Variants in MYO16 observed in about 807,000 individuals in gnomAD.
MYO16 encodes myosin XVI.
MYO16 carries 94 observed loss-of-function variants against 205.3 expected under a neutral mutation model. That is an observed-to-expected ratio of 0.46 (90% CI 0.39 to 0.54). MYO16 has a LOEUF of 0.54. Ranked by LOEUF, MYO16 falls within the 20% of genes least tolerant of loss-of-function variation. The probability of loss-of-function intolerance (pLI) is 0.00; values close to 1 mark genes in which losing one functional copy is unlikely to be tolerated. For missense variants in MYO16, 2,315 were observed against 2,387.5 expected, an observed-to-expected ratio of 0.97 and a Z score of 0.63; for synonymous variants, 988 against 954.0, an observed-to-expected ratio of 1.04 and a Z score of -0.66.
At chr13:108,740,556 C>T (rs982094120) in intron 4 of MYO16, among the ~76,000 whole-genome samples, 3 of 152,158 alleles carry the variant, frequency 2.0e-5, no homozygotes. Context: ...CTGAGGGGTT[C>T]CTCCCAGTTA....
At position 109,076,785 on chromosome 13, in the gene MYO16, G is replaced by A. The variant is rs982752658; in HGVS notation, c.3335+21190G>A. Among the ~76,000 whole-genome samples, 86 of 152,084 alleles carry A rather than the reference G, an allele frequency of 5.7e-4. 2 individuals are homozygous for A. Among genetic ancestry groups the A allele is most frequent in the Non-Finnish European group, 2.1e-4 (14 of 68,018 alleles). On this transcript the variant is annotated intron_variant, in intron 27 of 34. Coordinates refer to ENST00000457511, the MANE Select transcript of MYO16 (RefSeq NM_001198950.3). ...TACATGCAGTCTGGATGAGTGCACA[G>A]CAGAGATGGAAAATGAAGCCCAGAT...
At chr13:109,051,364 C>G (rs1379293125) in intron 24 of MYO16, among the ~76,000 whole-genome samples, 1 of 152,162 alleles carries the variant, frequency 6.6e-6, no homozygotes, top group African/African-American at 2.4e-5. Flanking sequence ...AGAAACTAAA[C>G]ACTTTGCCAC....
chr13:108,644,121 C>T (rs556542216), intron 1 of MYO16, among the ~76,000 whole-genome samples: 13 of 152,230 alleles, frequency 8.5e-5, no homozygotes, highest in African/African-American at 2.6e-4. Context: ...TCTTGAGTTT[C>T]GGATCCTCAG....
At chr13:109,147,889 C>G (rs1232797774) in intron 32 of MYO16, among the ~76,000 whole-genome samples, 3 of 152,030 alleles carry the variant, frequency 2.0e-5, no homozygotes, top group Non-Finnish European at 4.4e-5. Flanking sequence ...AGATTAACAC[C>G]CCCAGAGAAG....
Position 108,785,103 on chromosome 13 carries a change from G to C in MYO16, c.508-532G>C, listed in dbSNP as rs139582430. Among the ~76,000 whole-genome samples, 318 of 152,264 alleles carry C rather than the reference G, an allele frequency of 2.1e-3. 2 individuals carry two copies. Among genetic ancestry groups the C allele is most frequent in the African/African-American group, 7.4e-3 (309 of 41,558 alleles). ...TGTTAGAAGATAGTTGCTGGAAAGA[G>C]AAAAATCAGCCTGTAGTCATTAACA... On this transcript the variant is annotated intron_variant, in intron 4 of 34. Coordinates refer to ENST00000457511, the MANE Select transcript of MYO16 (RefSeq NM_001198950.3).
chr13:108,923,460 C>T (rs9587722), intron 16 of MYO16, among the ~76,000 whole-genome samples: 20,501 of 152,232 alleles, frequency 0.13, 2,423 homozygotes, highest in African/African-American at 0.31. Context: ...TGGAGGGATC[C>T]GTCCAGGCAG....
chr13:108,596,993 A>G (rs1313896397), intron 1 of MYO16, among the ~76,000 whole-genome samples: 28 of 152,328 alleles, frequency 1.8e-4, no homozygotes, highest in Non-Finnish European at 4.4e-5. Flanking sequence ...GATGGATCCT[A>G]AGTACGCTGA....
intron 12 of MYO16, among the ~76,000 whole-genome samples, chr13:108,877,049 T>G (rs1879363770): frequency 6.6e-6 from 1 of 152,220 alleles, no homozygotes; most frequent in Non-Finnish European, 1.5e-5. Flanking sequence ...TGAGACCTAA[T>G]TTATTCTAAA....
At chr13:108,737,003 G>A (rs937054973) in intron 4 of MYO16, among the ~76,000 whole-genome samples, 2 of 152,172 alleles carry the variant, frequency 1.3e-5, no homozygotes, top group African/African-American at 4.8e-5. Flanking sequence ...CTGAGATTTT[G>A]CTGAAGTTGC....
the MYO16 span, among the ~76,000 whole-genome samples, chr13:108,566,073 C>G: frequency 1.3e-5 from 2 of 151,862 alleles, no homozygotes; most frequent in Non-Finnish European, 2.9e-5. Context: ...ATTCCCTCCT[C>G]TATCTTTTGA....
intron 10 of MYO16, among the ~76,000 whole-genome samples, chr13:108,849,175 G>GTT (rs11309064): frequency 6.6e-6 from 1 of 151,840 alleles, no homozygotes; most frequent in African/African-American, 2.4e-5. Context: ...GTTTTTTTCT[G>GTT]TTTTTTTGTT....
the MYO16 span, among the ~76,000 whole-genome samples, chr13:108,575,027 C>T: frequency 1.3e-5 from 2 of 152,122 alleles, no homozygotes; most frequent in Non-Finnish European, 2.9e-5. Context: ...TCACACACTC[C>T]AGTGTGACTA....
In MYO16 at chr13:109,207,005, TTTGTGTG is replaced by T; in HGVS notation, c.*171_*177del. 6.3e-6 allele frequency: 2 copies of T among 317,084 alleles called. No individual in the cohort carries two copies. Among genetic ancestry groups the T allele is most frequent in the Non-Finnish European group, 1.2e-5 (2 of 170,562 alleles). 19.6% of individuals were successfully genotyped at this position (317,084 alleles called of 1,614,324 possible). On this transcript the variant is annotated 3_prime_UTR_variant, in exon 35 of 35. Coordinates refer to ENST00000457511, the MANE Select transcript of MYO16 (RefSeq NM_001198950.3). Reference sequence around the variant, plus strand: ...GAGATCCCGTGTGTGTGTGTGTGTGTTTGTGTGTGTGTGTGTGGGTTCTTTCTTATCC... The same window carrying T: ...GAGATCCCGTGTGTGTGTGTGTGTGTTGTGTGTGTGGGTTCTTTCTTATCC...
intron 2 of MYO16, among the ~76,000 whole-genome samples, chr13:108,705,617 A>G (rs1387344797): frequency 6.6e-6 from 1 of 152,190 alleles, no homozygotes; most frequent in African/African-American, 2.4e-5. Context: ...ATCATAGCAT[A>G]TATACAATTT....
chr13:108,875,757 C>G (rs1170889175), intron 12 of MYO16, among the ~76,000 whole-genome samples: 2 of 152,032 alleles, frequency 1.3e-5, no homozygotes, highest in Non-Finnish European at 2.9e-5. Flanking sequence ...ACCTGTAGTC[C>G]TAGCTACTTG....
chr13:109,135,047 A>G (rs1311315346), intron 31 of MYO16, among the ~76,000 whole-genome samples: 1 of 152,152 alleles, frequency 6.6e-6, no homozygotes, highest in Non-Finnish European at 1.5e-5. Context: ...CTCCGGTACG[A>G]TTCCTGAGAG....
chr13:108,699,794 T>G (rs553647085), intron 2 of MYO16, among the ~76,000 whole-genome samples: 1 of 152,294 alleles, frequency 6.6e-6, no homozygotes, highest in Non-Finnish European at 1.5e-5. Context: ...ACTTGGAAAT[T>G]TCATCTTCAG....
chr13:108,526,217 G>A, the MYO16 span, among the ~76,000 whole-genome samples: 13 of 152,032 alleles, frequency 8.6e-5, no homozygotes, highest in African/African-American at 1.9e-4. Flanking sequence ...TTTAGACTAC[G>A]CATGCATTTG....
intron 2 of MYO16, among the ~76,000 whole-genome samples, chr13:108,692,425 A>G (rs765287336): frequency 2.6e-5 from 4 of 152,232 alleles, no homozygotes; most frequent in Admixed American, 6.5e-5. Flanking sequence ...ATGCGAGGAC[A>G]TCAAATACTG....
Sources: allele counts gnomAD v4.1 joint callset (sites outside exome capture counted in the v4.1 genomes callset), GRCh38; gene constraint gnomAD v4.1.1; transcripts MANE v1.5; gene names NCBI Gene and HGNC (gene_info 2026-07-23, HGNC 2026-07-21).